Variants in TRAK1 observed in about 807,000 individuals in gnomAD.
TRAK1 encodes the protein trafficking kinesin-binding protein 1.
TRAK1 carries 33 observed loss-of-function variants against 92.1 expected under a neutral mutation model. The observed-to-expected ratio is 0.36, with a 90% confidence interval of 0.27 to 0.48. TRAK1 has a LOEUF of 0.48. TRAK1 is among the 20% of genes least tolerant of loss of function. The pLI is 0.99. For synonymous variants in TRAK1, 521 were observed against 517.3 expected (o/e 1.01, Z -0.10); for missense variants, 1,123 against 1,257.9 (o/e 0.89, Z 1.62).
At chr3:42,057,826 G>T (rs928594041) in intron 1 of TRAK1, among the ~76,000 whole-genome samples, 1 of 152,076 alleles carries the variant, frequency 6.6e-6, no homozygotes, top group East Asian at 1.9e-4. Context: ...AACTCACCCT[G>T]GTTCACCTGA....
At chr3:42,161,864 G>GT (rs1444002182) in intron 2 of TRAK1, among the ~76,000 whole-genome samples, 1 of 152,176 alleles carries the variant, frequency 6.6e-6, no homozygotes, top group East Asian at 1.9e-4. Flanking sequence ...GATTTGTTAG[G>GT]TCCCTGGAAG....
At chr3:42,155,481 C>T (rs975860701) in intron 2 of TRAK1, among the ~76,000 whole-genome samples, 15 of 152,110 alleles carry the variant, frequency 9.9e-5, no homozygotes, top group South Asian at 2.1e-4. Context: ...GAGTCTGGTC[C>T]CCTTCATAGG....
intron 1 of TRAK1, among the ~76,000 whole-genome samples, chr3:42,120,624 C>T (rs1472956414): frequency 3.3e-5 from 5 of 151,974 alleles, no homozygotes; most frequent in African/African-American, 4.8e-5. Flanking sequence ...CTCACTGCAA[C>T]CTGACCTCCG....
chr3:42,056,132 T>C (rs1420872292), intron 1 of TRAK1, among the ~76,000 whole-genome samples: 1 of 152,254 alleles, frequency 6.6e-6, no homozygotes, highest in East Asian at 1.9e-4. Context: ...GTGAATAATG[T>C]TGCTGTGAAC....
upstream of TRAK1, chr3:42,087,356 A>T (rs1338894132): frequency 2.0e-5 from 3 of 152,814 alleles, no homozygotes; most frequent in Non-Finnish European, 2.9e-5. Flanking sequence ...GCTGTGGAAG[A>T]TGCTCCCAGC....
At chr3:42,175,116 G>A (rs192934199) in intron 2 of TRAK1, among the ~76,000 whole-genome samples, 6 of 152,122 alleles carry the variant, frequency 3.9e-5, no homozygotes, top group Admixed American at 2.0e-4. Flanking sequence ...GAGAGTGGGC[G>A]CCGGTGAGTG....
intron 1 of TRAK1, among the ~76,000 whole-genome samples, chr3:42,109,179 G>A (rs994568237): frequency 2.6e-5 from 4 of 152,150 alleles, no homozygotes; most frequent in African/African-American, 9.7e-5. Context: ...CTCTTAGGAG[G>A]ATTAAATGAG....
At chr3:42,013,120 C>T (rs73828509), upstream of TRAK1, among the ~76,000 whole-genome samples, 1 of 152,306 alleles carries the variant, frequency 6.6e-6, no homozygotes, top group African/African-American at 2.4e-5. This position sits in a 1 kb window ranked among gnomAD's most constrained non-coding sequence, Gnocchi z 5.1. Flanking sequence ...TGTCCGCCAG[C>T]CCCCTGCCTG....
chr3:42,075,179 T>G (rs1471685237), intron 1 of TRAK1, among the ~76,000 whole-genome samples: 2 of 151,626 alleles, frequency 1.3e-5, no homozygotes, highest in African/African-American at 4.8e-5. Context: ...AAATTTTAAT[T>G]AAAGGATGAG....
chr3:42,055,794 C>A (rs1703181802), intron 1 of TRAK1, among the ~76,000 whole-genome samples: 1 of 152,170 alleles, frequency 6.6e-6, no homozygotes. Flanking sequence ...ACTTTCTTCA[C>A]CCGCAAAAGA....
rs567475891 is a variant in TRAK1, at chr3:42,160,568, T to G, written c.287-16246T>G. 6.1e-4 allele frequency: 669 copies of G among 1,105,584 alleles called. 7 individuals carry two copies. The highest frequency in any genetic ancestry group is 1.1e-3 in the Admixed American group (35 of 31,754). The allele number at this position is 1,105,584 out of a possible 1,614,324, so 68.5% of individuals were successfully genotyped here. A position where few individuals can be genotyped will look rare whatever the true frequency, so the allele number is the denominator to read the frequency against. On this transcript the variant is annotated intron_variant, in intron 2 of 15. Coordinates refer to ENST00000327628, the MANE Select transcript of TRAK1 (RefSeq NM_001042646.3). The stretch of plus-strand genomic sequence containing the variant: ...TGATTTCATAGCACTGTTTTGTTTT[T>G]GTTTTTTTTTAAGTTGAGGTATAAG...
In TRAK1 at chr3:42,223,491, C is replaced by G. The variant is rs755503702; in HGVS notation, c.2616C>G (p.Pro872=). ...CCACCTTGACTGAGGAGCAGGGACC[C>G]CTCCTCTGTGGGCCCCCGGGGCCAG... ...HVPTLTEEQG[P]LLCGPPGPAP... is the part of the protein sequence containing the mutation. Residue 872 remains proline, a synonymous_variant, in exon 16 of 16, where the codon CCC becomes CCG. Coordinates refer to ENST00000327628, the MANE Select transcript of TRAK1 (RefSeq NM_001042646.3). The surrounding 1 kb of genome is among the most constrained non-coding windows in gnomAD (Gnocchi z 6.1). The G allele has an allele frequency of 7.4e-6, 12 of 1,613,720 alleles. No individual in the cohort carries two copies. The highest frequency in any genetic ancestry group is 1.7e-5 in the Admixed American group (1 of 60,026).
intron 1 of TRAK1, among the ~76,000 whole-genome samples, chr3:42,114,322 A>G (rs774203100): frequency 3.3e-5 from 5 of 152,250 alleles, no homozygotes; most frequent in African/African-American, 7.2e-5. Context: ...TTGAAATATA[A>G]GCAGTGGCAG....
In TRAK1 at chr3:42,199,266, T is replaced by G; in HGVS notation, c.1190+13T>G. 6.2e-7 allele frequency: 1 copy of G among 1,613,652 alleles called. No individual in the cohort carries two copies. The highest frequency in any genetic ancestry group is 8.5e-7 in the Non-Finnish European group (1 of 1,179,820). ...CTCCAGACATCACGTACGGCCACAGTTTTTACAGTTTTGAGATTCCCAGAG... is the reference window on the plus strand; with the variant it reads ...CTCCAGACATCACGTACGGCCACAGGTTTTACAGTTTTGAGATTCCCAGAG... On this transcript the variant is annotated intron_variant, in intron 11 of 15. Coordinates refer to ENST00000327628, the MANE Select transcript of TRAK1 (RefSeq NM_001042646.3).
chr3:42,138,937 T>A (rs186417735), intron 2 of TRAK1, among the ~76,000 whole-genome samples: 1 of 134,366 alleles, frequency 7.4e-6, no homozygotes, highest in Non-Finnish European at 1.6e-5. Context: ...GGAGGAGGGG[T>A]ACCTCTTGGA....
At chr3:42,197,805 G>T (rs1706965811) in intron 10 of TRAK1, among the ~76,000 whole-genome samples, 1 of 152,200 alleles carries the variant, frequency 6.6e-6, no homozygotes, top group Admixed American at 6.5e-5. Context: ...CTTGGTTCCA[G>T]CCTCCAGACC....
At chr3:42,192,529 A>G (rs1705971360) in intron 7 of TRAK1, among the ~76,000 whole-genome samples, 1 of 150,192 alleles carries the variant, frequency 6.7e-6, no homozygotes, top group Non-Finnish European at 1.5e-5. Flanking sequence ...AGTACTAAGT[A>G]TTTTGCATTT....
intron 2 of TRAK1, among the ~76,000 whole-genome samples, chr3:42,143,440 CTG>C (rs1698937987): frequency 6.6e-6 from 1 of 151,912 alleles, no homozygotes; most frequent in African/African-American, 2.4e-5. Flanking sequence ...TTGGTATTCT[CTG>C]TGCAATCCTG....
chr3:42,129,239 G>C (rs1487462635), intron 2 of TRAK1, among the ~76,000 whole-genome samples: 1 of 152,088 alleles, frequency 6.6e-6, no homozygotes, highest in Non-Finnish European at 1.5e-5. Context: ...TGTTGTATCA[G>C]TTTTGAGGCG....
Sources: gnomAD v4.1 joint callset for allele counts (sites outside exome capture counted in the v4.1 genomes callset) on GRCh38, gnomAD v4.1.1 for gene constraint, Gnocchi (gnomAD v3.1) non-coding constraint, MANE v1.5 for transcripts, NCBI Gene and HGNC (gene_info 2026-07-23, HGNC 2026-07-21) for gene names.